Variants in FAF1 observed in about 807,000 individuals in gnomAD.
FAF1 encodes the protein FAS-associated factor 1.
A neutral mutation model predicts 92.5 loss-of-function variants in FAF1; 25 were observed. The observed-to-expected ratio is 0.27, with a 90% CI of 0.20 to 0.38. The LOEUF (loss-of-function observed/expected upper bound fraction) is 0.38. FAF1 is among the 10% of genes least tolerant of loss of function. The pLI is 1.00. For missense variants in FAF1, 636 were observed against 793.3 expected, an observed-to-expected ratio of 0.80 and a Z score of 2.38; for synonymous variants, 234 against 273.2, an observed-to-expected ratio of 0.86 and a Z score of 1.42.
intron 15 of FAF1, among the ~76,000 whole-genome samples, chr1:50,530,275 G>GTA (rs1553223696): frequency 7.2e-6 from 1 of 139,376 alleles, no homozygotes; most frequent in South Asian, 2.3e-4. Context: ...GTGTGTGTGT[G>GTA]TATGTATATA....
intron 2 of FAF1, among the ~76,000 whole-genome samples, chr1:50,826,387 C>T (rs1644098179): frequency 6.6e-6 from 1 of 151,646 alleles, no homozygotes; most frequent in Non-Finnish European, 1.5e-5. Flanking sequence ...CCCGTCTCTA[C>T]TAAAATACAA....
chr1:50,542,450 A>C (rs762063730), intron 13 of FAF1, among the ~76,000 whole-genome samples: 1 of 152,176 alleles, frequency 6.6e-6, no homozygotes, highest in Non-Finnish European at 1.5e-5. Flanking sequence ...TCAGTTCAAA[A>C]CATTAGAAGG....
rs959896350 is a variant in FAF1, at chr1:50,930,270, T to C, written c.45+29497A>G. 4.6e-5 allele frequency among the ~76,000 whole-genome samples: 7 copies of C among 152,260 alleles called. No individual in the cohort carries two copies. In the South Asian group the frequency reaches 1.5e-3, roughly 32 times the overall value. On this transcript the variant is annotated intron_variant, in intron 1 of 18. Coordinates refer to ENST00000396153, the MANE Select transcript of FAF1 (RefSeq NM_007051.3). ...AAGAATGGATTCCAAAAGGGCATAA[T>C]GAGCTAAGCAGGTGACCTCAGGAGA...
chr1:50,724,290 C>CACAT (rs1553132391), intron 6 of FAF1, among the ~76,000 whole-genome samples: 28 of 106,166 alleles, frequency 2.6e-4, no homozygotes, highest in Non-Finnish European at 3.9e-4. Flanking sequence ...CACACACACA[C>CACAT]ACACATACAC....
intron 9 of FAF1, among the ~76,000 whole-genome samples, chr1:50,587,343 AG>A (rs1404061873): frequency 6.6e-6 from 1 of 152,202 alleles, no homozygotes; most frequent in Non-Finnish European, 1.5e-5. Flanking sequence ...CTTCAAAGGG[AG>A]GTATCTAAAA....
intron 7 of FAF1, among the ~76,000 whole-genome samples, chr1:50,682,915 ACC>A (rs756511284): frequency 7.3e-5 from 11 of 151,584 alleles, no homozygotes; most frequent in Non-Finnish European, 1.6e-4. Flanking sequence ...AAATGGTGAA[ACC>A]CTGTCTCCAC....
At chr1:50,775,183 A>G (rs957935504) in intron 4 of FAF1, among the ~76,000 whole-genome samples, 1 of 152,268 alleles carries the variant, frequency 6.6e-6, no homozygotes, top group East Asian at 1.9e-4. Context: ...CATAAACTTT[A>G]ATGAGTGTAC....
intron 13 of FAF1, among the ~76,000 whole-genome samples, chr1:50,557,415 T>C (rs1258531394): frequency 2.6e-5 from 4 of 152,190 alleles, no homozygotes; most frequent in African/African-American, 9.6e-5. Flanking sequence ...CACAAACATA[T>C]GCTTAAGGAA....
intron 8 of FAF1, among the ~76,000 whole-genome samples, chr1:50,642,076 G>A (rs918265608): frequency 1.3e-5 from 2 of 151,730 alleles, no homozygotes; most frequent in African/African-American, 4.8e-5. Context: ...GGTGGCGGGT[G>A]CCCGTAATCC....
At chr1:50,952,065 C>T (rs1645218689) in intron 1 of FAF1, among the ~76,000 whole-genome samples, 1 of 152,160 alleles carries the variant, frequency 6.6e-6, no homozygotes, top group Admixed American at 6.5e-5. Context: ...ATGGTGATAA[C>T]CCAATATAAG....
chr1:50,895,186 A>C (rs1015672213), intron 1 of FAF1, among the ~76,000 whole-genome samples: 2 of 152,194 alleles, frequency 1.3e-5, no homozygotes, highest in Admixed American at 1.3e-4. Context: ...AAAAAAAATT[A>C]CAACCTATAC....
At chr1:50,798,961 C>T (rs1334543335) in intron 3 of FAF1, among the ~76,000 whole-genome samples, 3 of 152,098 alleles carry the variant, frequency 2.0e-5, no homozygotes, top group Admixed American at 2.0e-4. Context: ...CTCACTGCAA[C>T]CTTGGCCTCC....
chr1:50,699,820 C>T (rs1657389133), intron 7 of FAF1, among the ~76,000 whole-genome samples: 1 of 152,106 alleles, frequency 6.6e-6, no homozygotes. Context: ...AAATTTTAGA[C>T]ATCTACAGTG....
chr1:50,769,649 T>C (rs1660707367), intron 4 of FAF1, among the ~76,000 whole-genome samples: 1 of 152,146 alleles, frequency 6.6e-6, no homozygotes, highest in Non-Finnish European at 1.5e-5. Flanking sequence ...TATATACAAA[T>C]CAATTAATGT....
chr1:50,694,566 A>G (rs2124401521), intron 7 of FAF1, among the ~76,000 whole-genome samples: 1 of 151,552 alleles, frequency 6.6e-6, no homozygotes, highest in East Asian at 1.9e-4. Flanking sequence ...AAAAAAAAAA[A>G]ACCCACAAAG....
chr1:50,890,255 C>G (rs1644707745), intron 1 of FAF1, among the ~76,000 whole-genome samples: 1 of 152,140 alleles, frequency 6.6e-6, no homozygotes. Flanking sequence ...CTATGTGTGT[C>G]TCTGCACGTG....
chr1:50,574,001 C>T lies in FAF1; in HGVS notation c.1114-6770G>A, dbSNP rs770154059. On this transcript the variant is annotated intron_variant, in intron 12 of 18. Coordinates refer to ENST00000396153, the MANE Select transcript of FAF1 (RefSeq NM_007051.3). ...AAAATTGGCTGGGTGTGGTGGGGTG[C>T]GCCTGTAATCCCAGCTACTTGGGAG... 1.6e-4 allele frequency among the ~76,000 whole-genome samples: 25 copies of T among 152,002 alleles called. 1 individual carries two copies. In the Middle Eastern group the frequency reaches 0.01, roughly 62 times the overall value.
At chr1:50,922,818 C>CAAAAAAAAAAAAAAAAAAA (rs754253837) in intron 1 of FAF1, among the ~76,000 whole-genome samples, 1 of 56,892 alleles carries the variant, frequency 1.8e-5, no homozygotes, top group African/African-American at 6.0e-5. Context: ...GAATCCACCA[C>CAAAAAAAAAAAAAAAAAAA]AAAAAAAAAA....
intron 2 of FAF1, among the ~76,000 whole-genome samples, chr1:50,803,850 C>G (rs535774315): frequency 1.3e-5 from 2 of 151,874 alleles, no homozygotes; most frequent in South Asian, 4.2e-4. Flanking sequence ...AAACTCTGTA[C>G]ATAAATAAAT....
Sources: allele counts gnomAD v4.1 joint callset (sites outside exome capture counted in the v4.1 genomes callset), GRCh38; gene constraint gnomAD v4.1.1; transcripts MANE v1.5; gene names NCBI Gene and HGNC (gene_info 2026-07-23, HGNC 2026-07-21).